EPHA4: variants seen among roughly 807,000 people sequenced by gnomAD.
EPHA4 encodes the protein ephrin type-A receptor 4.
A neutral mutation model predicts 108.3 loss-of-function variants in EPHA4; 19 were observed. The ratio of observed to expected loss-of-function variants is 0.18; its 90% CI spans 0.12 to 0.26. The LOEUF (loss-of-function observed/expected upper bound fraction) is 0.26, where lower values mean the gene tolerates loss of function less well. Ranked by LOEUF, EPHA4 falls within the 10% of genes least tolerant of loss-of-function variation. The pLI is 1.00. For synonymous variants in EPHA4, 449 were observed against 455.5 expected (o/e 0.99, Z 0.18); for missense variants, 917 against 1,254.0 (o/e 0.73, Z 4.06).
At position 221,425,370 on chromosome 2, in the gene EPHA4, T is replaced by C. The variant is rs910113133; in HGVS notation, c.*658A>G. On this transcript the variant is annotated 3_prime_UTR_variant, in exon 17 of 18. Transcript: ENST00000281821. Reference sequence around the variant, plus strand: ...TCAGGCCCAAAGAAACAGACCTCATTTGTCCAGTTAGGGGTTATGGGGCTT... The same window carrying C: ...TCAGGCCCAAAGAAACAGACCTCATCTGTCCAGTTAGGGGTTATGGGGCTT... 6.6e-6 allele frequency: 1 copy of C among 152,638 alleles called. No individual in the cohort carries two copies. Among genetic ancestry groups the C allele is most frequent in the Non-Finnish European group, 1.5e-5 (1 of 68,080 alleles). 9.5% of individuals were successfully genotyped at this position (152,638 alleles called of 1,614,324 possible).
At chr2:221,488,167 T>C (rs1053906437) in intron 4 of EPHA4, among the ~76,000 whole-genome samples, 5 of 152,170 alleles carry the variant, frequency 3.3e-5, no homozygotes, top group Non-Finnish European at 4.4e-5. Flanking sequence ...AAAACTTATT[T>C]GCAAAAATAG....
At chr2:221,447,355 T>G (rs1254469921) in intron 8 of EPHA4, among the ~76,000 whole-genome samples, 2 of 152,104 alleles carry the variant, frequency 1.3e-5, no homozygotes, top group African/African-American at 2.4e-5. Flanking sequence ...GTCTTGGCAG[T>G]GTGGTCCTGT....
At chr2:221,498,973 T>C (rs1284130726) in intron 4 of EPHA4, among the ~76,000 whole-genome samples, 1 of 151,628 alleles carries the variant, frequency 6.6e-6, no homozygotes, top group Non-Finnish European at 1.5e-5. Context: ...GTATTTTTAG[T>C]GGAGACGGAG....
At chr2:221,427,622 T>C (rs1689951009) in intron 15 of EPHA4, among the ~76,000 whole-genome samples, 1 of 152,214 alleles carries the variant, frequency 6.6e-6, no homozygotes, top group South Asian at 2.1e-4. Context: ...CTTCTGTTTT[T>C]CCTAAAACTC....
At chr2:221,562,008 T>C (rs112448684) in intron 3 of EPHA4, among the ~76,000 whole-genome samples, 6,475 of 152,284 alleles carry the variant, frequency 0.043, 416 homozygotes, top group African/African-American at 0.15. Context: ...GTTCCTGCTA[T>C]GATCATAGTA....
At chr2:221,453,532 A>G (rs866394953) in intron 8 of EPHA4, among the ~76,000 whole-genome samples, 2 of 152,360 alleles carry the variant, frequency 1.3e-5, no homozygotes, top group Middle Eastern at 3.4e-3. Context: ...ATACCAGGGA[A>G]GGAAAGAACA....
chr2:221,530,477 C>T (rs999280431), intron 3 of EPHA4, among the ~76,000 whole-genome samples: 6 of 152,176 alleles, frequency 3.9e-5, no homozygotes, highest in African/African-American at 9.7e-5. Context: ...AAACCAGCAA[C>T]GGGCTGGAGG....
rs1285839227 is a variant in EPHA4, at chr2:221,482,297, A to G, written c.1318+55T>C. ...GCAATTTATTATAATTCATTATTTT[A>G]AGCCTTTTCTCTGTATACATTCAGA... is the stretch of plus-strand genomic sequence containing the variant. On this transcript the variant is annotated intron_variant, in intron 5 of 17. Coordinates refer to ENST00000281821, the MANE Select transcript of EPHA4 (RefSeq NM_004438.5). The G allele has an allele frequency of 4.3e-6, 6 of 1,390,550 alleles. No individual in the cohort carries two copies. The East Asian group carries it at 1.4e-4, about 32-fold the overall frequency. 86.1% of individuals were successfully genotyped at this position (1,390,550 alleles called of 1,614,324 possible). A position where few individuals can be genotyped will look rare whatever the true frequency, so the allele number is the denominator to read the frequency against.
At chr2:221,459,312 C>T (rs527279610) in intron 5 of EPHA4, among the ~76,000 whole-genome samples, 483 of 82,966 alleles carry the variant, frequency 5.8e-3, no homozygotes, top group Non-Finnish European at 0.012. Flanking sequence ...ACACACACCC[C>T]TCTATTTTTT....
intron 3 of EPHA4, among the ~76,000 whole-genome samples, chr2:221,518,986 A>G (rs1344929946): frequency 6.6e-6 from 1 of 152,172 alleles, no homozygotes; most frequent in Non-Finnish European, 1.5e-5. Context: ...AATAATTTTC[A>G]GAGGAAAGAT....
intron 3 of EPHA4, among the ~76,000 whole-genome samples, chr2:221,502,052 C>T (rs1480344092): frequency 2.6e-5 from 4 of 152,066 alleles, no homozygotes; most frequent in African/African-American, 9.7e-5. Flanking sequence ...TTTTTATACA[C>T]CTGACATCCT....
intron 15 of EPHA4, among the ~76,000 whole-genome samples, chr2:221,429,407 A>G (rs1195087983): frequency 6.6e-6 from 1 of 152,158 alleles, no homozygotes; most frequent in African/African-American, 2.4e-5. Context: ...ATTCATCTGC[A>G]TGCTTTATAA....
intron 8 of EPHA4, among the ~76,000 whole-genome samples, chr2:221,449,846 C>T (rs149122273): frequency 3.9e-4 from 60 of 152,324 alleles, no homozygotes; most frequent in Non-Finnish European, 6.9e-4. Context: ...ATTTATTCAG[C>T]TAAAGTGCAT....
chr2:221,523,919 C>G (rs1038231217), intron 3 of EPHA4, among the ~76,000 whole-genome samples: 2 of 152,054 alleles, frequency 1.3e-5, no homozygotes, highest in Non-Finnish European at 2.9e-5. Flanking sequence ...CCTGGTATGT[C>G]CTAGGTGCTG....
At chr2:221,473,757 C>T (rs1229965670) in intron 5 of EPHA4, among the ~76,000 whole-genome samples, 1 of 152,032 alleles carries the variant, frequency 6.6e-6, no homozygotes, top group Non-Finnish European at 1.5e-5. Flanking sequence ...GAAACCCTTG[C>T]TAGCCCTGCC....
At chr2:221,467,495 G>A (rs917670369) in intron 5 of EPHA4, among the ~76,000 whole-genome samples, 1 of 152,168 alleles carries the variant, frequency 6.6e-6, no homozygotes. Context: ...GCAAATTAGA[G>A]CTTTTGCAAC....
At chr2:221,431,814 A>G (rs1690085536) in intron 14 of EPHA4, among the ~76,000 whole-genome samples, 2 of 152,236 alleles carry the variant, frequency 1.3e-5, no homozygotes, top group South Asian at 4.1e-4. Flanking sequence ...ATAGGTTAGC[A>G]AAGCATATTT....
At chr2:221,493,301 C>T (rs746963273) in intron 4 of EPHA4, among the ~76,000 whole-genome samples, 73 of 152,098 alleles carry the variant, frequency 4.8e-4, no homozygotes, top group Non-Finnish European at 7.6e-4. Context: ...ATCAAAGCCT[C>T]GCTCTAGACA....
chr2:221,515,830 T>A (rs150028443), intron 3 of EPHA4, among the ~76,000 whole-genome samples: 62 of 151,952 alleles, frequency 4.1e-4, no homozygotes, highest in African/African-American at 1.4e-3. Flanking sequence ...ATAATAATAA[T>A]AAAAGACATA....
Sources: allele counts gnomAD v4.1 joint callset (sites outside exome capture counted in the v4.1 genomes callset), GRCh38; gene constraint gnomAD v4.1.1; transcripts MANE v1.5; gene names NCBI Gene and HGNC (gene_info 2026-07-23, HGNC 2026-07-21).